Variants in UBA6 observed in about 807,000 individuals in gnomAD.
UBA6 encodes ubiquitin-like modifier-activating enzyme 6.
Under a neutral mutation model 148.3 loss-of-function variants are expected in UBA6, and 87 were observed. That is an observed-to-expected ratio of 0.59 (90% CI 0.49 to 0.70). The LOEUF (loss-of-function observed/expected upper bound fraction) is 0.70, where lower values mean the gene tolerates loss of function less well. Among genes scored for constraint, UBA6 ranks in the 30% least tolerant of loss-of-function variants. The pLI, the probability that UBA6 is intolerant of heterozygous loss-of-function variation, is 0.00. For synonymous variants in UBA6, 376 were observed against 401.0 expected (o/e 0.94, Z 0.75); for missense variants, 1,186 against 1,241.2 (o/e 0.96, Z 0.67).
chr4:67,663,308 C>A (rs1729910474), intron 11 of UBA6, 93 bp from the exon 12 acceptor site: 2 of 775,038 alleles, frequency 2.6e-6, no homozygotes, highest in South Asian at 1.9e-5. Context: ...ATTTAACCAT[C>A]ATAATAAACA....
In UBA6 at chr4:67,668,602, G is replaced by T. The variant is rs752046489; in HGVS notation, c.742C>A (p.Arg248=). ...KLETGQFLTF[R]EINGMTGLNG... ...AAACCTGTCATTCCATTAATTTCTCGAAATGTTAGGAATTGTCCTGTCTCC... is the reference window on the plus strand; with the variant it reads ...AAACCTGTCATTCCATTAATTTCTCTAAATGTTAGGAATTGTCCTGTCTCC... The change falls in exon 9 of 33, where the codon CGA becomes AGA. Residue 248 remains arginine (R), a synonymous_variant. Coordinates refer to ENST00000322244, the MANE Select transcript of UBA6 (RefSeq NM_018227.6). 6.2e-7 allele frequency: 1 copy of T among 1,612,614 alleles called. No individual in the cohort carries two copies. The highest frequency in any genetic ancestry group is 8.5e-7 in the Non-Finnish European group (1 of 1,178,828).
intron 7 of UBA6, 118 bp from the exon 8 acceptor site, chr4:67,670,710 G>C (rs1303798769): frequency 2.6e-6 from 2 of 758,080 alleles, no homozygotes; most frequent in Non-Finnish European, 4.4e-6. Context: ...ACAACCTATA[G>C]AATACAAAGT....
intron 13 of UBA6, among the ~76,000 whole-genome samples, chr4:67,653,438 G>C (rs909860196): frequency 2.0e-5 from 3 of 152,152 alleles, no homozygotes; most frequent in African/African-American, 4.8e-5. Flanking sequence ...CTGCAGTTGA[G>C]GGGCCTGACT....
At chr4:67,667,298 T>G (rs1730026973) in intron 9 of UBA6, among the ~76,000 whole-genome samples, 1 of 152,180 alleles carries the variant, frequency 6.6e-6, no homozygotes, top group Non-Finnish European at 1.5e-5. Context: ...TTATACAACA[T>G]GCATGCTAAA....
At chr4:67,621,281 T>C (rs956656682) in intron 32 of UBA6, among the ~76,000 whole-genome samples, 1 of 152,244 alleles carries the variant, frequency 6.6e-6, no homozygotes, top group Non-Finnish European at 1.5e-5. Context: ...TCAGACTAGA[T>C]CATAATTTAA....
chr4:67,640,850 G>A lies in UBA6; in HGVS notation c.1554+301C>T, dbSNP rs373517939. Among the ~76,000 whole-genome samples, 9 of 152,142 alleles carry A rather than the reference G, an allele frequency of 5.9e-5. No homozygotes were observed. The South Asian group carries it at 1.9e-3, about 32-fold the overall frequency. ...AATTTGCTACCAAAACCTCAAATTA[G>A]AAACATATTTCTATATACTTCCTTT... is the stretch of plus-strand genomic sequence containing the variant. On this transcript the variant is annotated intron_variant, in intron 18 of 32. Transcript: ENST00000322244.
intron 32 of UBA6, 44 bp downstream of exon 32, chr4:67,622,787 A>G (rs775906740): frequency 7.1e-7 from 1 of 1,402,050 alleles, no homozygotes; most frequent in South Asian, 1.2e-5. Flanking sequence ...ATCAACTTAC[A>G]TTTAAATTCT....
chr4:67,677,820 T>C, intron 5 of UBA6, 98 bp from the exon 6 acceptor site: 1 of 573,568 alleles, frequency 1.7e-6, no homozygotes, highest in South Asian at 2.9e-5. Context: ...CCTGACATGT[T>C]ACAAAATTTC....
Position 67,623,170 on chromosome 4 carries a change from C to A in UBA6, c.2893G>T (p.Asp965Tyr). The change falls in exon 31 of 33, where the codon GAT becomes TAT. Residue 965 changes from aspartate (D) to tyrosine (Y), a missense_variant. By Grantham distance (160) the Asp-to-Tyr change is radical. Coordinates refer to ENST00000322244, the MANE Select transcript of UBA6 (RefSeq NM_018227.6). ...TTTATGAAATCCAAGAGGGTGAAAT[C>A]TTCTTTTCCATGTACGGTCCATCGA... ...WDRWTVHGKE[D>Y]FTLLDFINAV... is the part of the protein sequence containing the mutation. 1.9e-6 allele frequency: 3 copies of A among 1,612,970 alleles called. No individual in the cohort carries two copies. The highest frequency in any genetic ancestry group is 2.5e-6 in the Non-Finnish European group (3 of 1,179,328).
chr4:67,622,709 T>G, intron 32 of UBA6, 122 bp downstream of exon 32: 1 of 659,520 alleles, frequency 1.5e-6, no homozygotes, highest in South Asian at 2.7e-5. Context: ...TCTTTATTAA[T>G]GTCATTAGAC....
At chr4:67,653,560 A>C (rs1221730544) in intron 13 of UBA6, among the ~76,000 whole-genome samples, 1 of 152,094 alleles carries the variant, frequency 6.6e-6, no homozygotes, top group Non-Finnish European at 1.5e-5. Context: ...AAAGTAGGTA[A>C]AAATACAAAG....
At chr4:67,680,244 C>T (rs904126974) in intron 4 of UBA6, among the ~76,000 whole-genome samples, 1 of 151,968 alleles carries the variant, frequency 6.6e-6, no homozygotes, top group Non-Finnish European at 1.5e-5. Flanking sequence ...CATCACTGCC[C>T]CTAATGAAAT....
intron 19 of UBA6, among the ~76,000 whole-genome samples, chr4:67,636,185 A>G (rs1330642601): frequency 3.3e-5 from 5 of 152,206 alleles, no homozygotes; most frequent in African/African-American, 1.2e-4. Context: ...GGATACAATG[A>G]CGGAAAGTAA....
At chr4:67,652,571 G>A (rs60763333) in intron 13 of UBA6, among the ~76,000 whole-genome samples, 2,942 of 152,276 alleles carry the variant, frequency 0.019, 71 homozygotes, top group East Asian at 0.1. Context: ...CCAGATGGCC[G>A]AATAGGAACA....
At position 67,634,228 on chromosome 4, in the gene UBA6, T is replaced by G. The variant is rs369182580; in HGVS notation, c.2013+14A>C. 3.2e-6 allele frequency: 5 copies of G among 1,540,534 alleles called. No homozygotes were observed. The highest frequency in any genetic ancestry group is 4.4e-6 in the Non-Finnish European group (5 of 1,140,896). On this transcript the variant is annotated intron_variant, in intron 22 of 32. Coordinates refer to ENST00000322244, the MANE Select transcript of UBA6 (RefSeq NM_018227.6). ...CAAAGTGTTAAGTTTGTATTAAAATTTACTGATTTTTACCTGTAAGACTTC... is the reference window on the plus strand; with the variant it reads ...CAAAGTGTTAAGTTTGTATTAAAATGTACTGATTTTTACCTGTAAGACTTC...
intron 2 of UBA6, among the ~76,000 whole-genome samples, chr4:67,689,153 T>G (rs1020238597): frequency 1.3e-5 from 2 of 152,158 alleles, no homozygotes; most frequent in African/African-American, 4.8e-5. Flanking sequence ...TAAAATAGTC[T>G]TTGTGTTAGA....
chr4:67,675,576 T>C (rs376312333), intron 6 of UBA6, among the ~76,000 whole-genome samples: 5 of 151,852 alleles, frequency 3.3e-5, no homozygotes, highest in Non-Finnish European at 7.4e-5. Flanking sequence ...ACTAAAAATA[T>C]AAAAATTAGC....
chr4:67,625,879 T>G (rs1466694884), intron 28 of UBA6, among the ~76,000 whole-genome samples: 1 of 151,954 alleles, frequency 6.6e-6, no homozygotes. Flanking sequence ...GAAGTATATA[T>G]AGGTCATTCT....
intron 9 of UBA6, 136 bp from the exon 10 acceptor site, chr4:67,665,428 T>C: frequency 2.0e-6 from 1 of 500,700 alleles, no homozygotes; most frequent in Admixed American, 4.7e-5. Context: ...TTTTTGTTTG[T>C]TTGTTTTTTT....
Sources: allele counts gnomAD v4.1 joint callset (sites outside exome capture counted in the v4.1 genomes callset), GRCh38; gene constraint gnomAD v4.1.1; transcripts MANE v1.5; gene names NCBI Gene and HGNC (gene_info 2026-07-23, HGNC 2026-07-21).